Variants in GALNTL6 observed in about 807,000 individuals in gnomAD.
The protein encoded by GALNTL6 is polypeptide N-acetylgalactosaminyltransferase-like 6.
Under a neutral mutation model 73.7 loss-of-function variants are expected in GALNTL6, and 46 were observed. The observed-to-expected ratio is 0.62, with a 90% confidence interval of 0.49 to 0.80. The LOEUF (loss-of-function observed/expected upper bound fraction) is 0.80. GALNTL6 is among the 30% of genes least tolerant of loss of function. GALNTL6 has a pLI of 0.00. For missense variants in GALNTL6, 604 were observed against 755.0 expected (o/e 0.80, Z 2.34); for synonymous variants, 259 against 263.7 (o/e 0.98, Z 0.17).
At chr4:172,640,727 T>G (rs1368836342) in intron 5 of GALNTL6, among the ~76,000 whole-genome samples, 1 of 152,116 alleles carries the variant, frequency 6.6e-6, no homozygotes, top group Non-Finnish European at 1.5e-5. Flanking sequence ...CATTTTAAGC[T>G]AAACACCTTT....
chr4:172,895,078 T>C (rs937987226), intron 8 of GALNTL6, among the ~76,000 whole-genome samples: 5 of 151,886 alleles, frequency 3.3e-5, no homozygotes, highest in African/African-American at 1.2e-4. Context: ...AGTATATGGG[T>C]ATCTTTATAG....
chr4:172,209,184 A>G (rs2332503), intron 2 of GALNTL6, among the ~76,000 whole-genome samples: 59,395 of 151,862 alleles, frequency 0.39, 11,792 homozygotes, highest in Non-Finnish European at 0.41. Flanking sequence ...ATTTCATAGT[A>G]TTACATGTCT....
chr4:172,008,044 A>G (rs748530488), intron 2 of GALNTL6, among the ~76,000 whole-genome samples: 8 of 152,238 alleles, frequency 5.3e-5, no homozygotes, highest in Middle Eastern at 3.4e-3. Flanking sequence ...TTTATAAAAC[A>G]GAATAATTAT....
At chr4:172,387,055 A>C (rs1743498168) in intron 5 of GALNTL6, among the ~76,000 whole-genome samples, 1 of 152,156 alleles carries the variant, frequency 6.6e-6, no homozygotes, top group Non-Finnish European at 1.5e-5. Context: ...AGTCAAGGTG[A>C]CAGCCAAAAT....
chr4:172,649,676 C>T (rs182627138), intron 5 of GALNTL6, among the ~76,000 whole-genome samples: 93 of 152,148 alleles, frequency 6.1e-4, no homozygotes, highest in Middle Eastern at 3.4e-3. Flanking sequence ...ATGGTTTGTA[C>T]ATGTATATAT....
intron 5 of GALNTL6, among the ~76,000 whole-genome samples, chr4:172,412,114 C>G (rs1744464448): frequency 6.6e-6 from 1 of 152,090 alleles, no homozygotes. Flanking sequence ...ACGATCACAG[C>G]TCACTGCAGC....
At chr4:172,860,631 A>G (rs986298055) in intron 7 of GALNTL6, among the ~76,000 whole-genome samples, 6 of 152,234 alleles carry the variant, frequency 3.9e-5, no homozygotes, top group African/African-American at 1.4e-4. Context: ...ACTAATAAAG[A>G]TTGCATAGAA....
intron 2 of GALNTL6, among the ~76,000 whole-genome samples, chr4:172,029,993 T>G (rs183618650): frequency 6.0e-4 from 91 of 152,246 alleles, no homozygotes; most frequent in Non-Finnish European, 1.1e-3. Flanking sequence ...TATGTTTATG[T>G]GTGTATGTCG....
intron 8 of GALNTL6, among the ~76,000 whole-genome samples, chr4:172,886,089 A>C (rs187858587): frequency 6.6e-6 from 1 of 152,280 alleles, no homozygotes; most frequent in Non-Finnish European, 1.5e-5. Context: ...CCTCCTCTTC[A>C]ATTTTTTGAA....
chr4:172,057,027 G>A (rs1159914959), intron 2 of GALNTL6, among the ~76,000 whole-genome samples: 1 of 151,998 alleles, frequency 6.6e-6, no homozygotes, highest in East Asian at 1.9e-4. Flanking sequence ...GTGTTGGTTT[G>A]AACTGTTACT....
chr4:172,753,109 A>G (rs1229087731), intron 5 of GALNTL6, among the ~76,000 whole-genome samples: 2 of 152,182 alleles, frequency 1.3e-5, no homozygotes, highest in Non-Finnish European at 2.9e-5. Context: ...AGGGCCAGGT[A>G]GAGATAACTG....
chr4:172,651,706 G>C (rs1464505971), intron 5 of GALNTL6, among the ~76,000 whole-genome samples: 1 of 152,176 alleles, frequency 6.6e-6, no homozygotes, highest in African/African-American at 2.4e-5. Flanking sequence ...TGGAGAATCT[G>C]ATAGGACATA....
At chr4:172,749,360 G>T (rs1461001586) in intron 5 of GALNTL6, among the ~76,000 whole-genome samples, 1 of 151,846 alleles carries the variant, frequency 6.6e-6, no homozygotes, top group Non-Finnish European at 1.5e-5. Flanking sequence ...GTTGCATTAT[G>T]CCAGGTGATA....
intron 5 of GALNTL6, among the ~76,000 whole-genome samples, chr4:172,586,236 G>T (rs1350222651): frequency 1.3e-5 from 2 of 152,064 alleles, no homozygotes; most frequent in Admixed American, 1.3e-4. Flanking sequence ...ATAAATAAGT[G>T]CTAATTTTCT....
intron 5 of GALNTL6, among the ~76,000 whole-genome samples, chr4:172,582,353 A>G (rs921152537): frequency 6.6e-6 from 1 of 152,200 alleles, no homozygotes; most frequent in Non-Finnish European, 1.5e-5. Context: ...GTTAACAATA[A>G]TAGTATGGCT....
At chr4:172,309,283 T>G (rs547145642) in intron 3 of GALNTL6, among the ~76,000 whole-genome samples, 1 of 152,238 alleles carries the variant, frequency 6.6e-6, no homozygotes, top group South Asian at 2.1e-4. Flanking sequence ...GATACTTTTT[T>G]TTTGAGGAAT....
chr4:171,883,590 A>C (rs1346395027), intron 2 of GALNTL6, among the ~76,000 whole-genome samples: 1 of 151,508 alleles, frequency 6.6e-6, no homozygotes, highest in Non-Finnish European at 1.5e-5. Context: ...GAAACACAAG[A>C]CTGAAAATAG....
At chr4:172,576,045 G>T (rs1736944176) in intron 5 of GALNTL6, among the ~76,000 whole-genome samples, 1 of 152,066 alleles carries the variant, frequency 6.6e-6, no homozygotes, top group African/African-American at 2.4e-5. Flanking sequence ...CAGGGAAGGG[G>T]TTTTCTTTTC....
chr4:171,914,671 C>A (rs756177726), intron 2 of GALNTL6, among the ~76,000 whole-genome samples: 3 of 151,292 alleles, frequency 2.0e-5, no homozygotes, highest in African/African-American at 4.9e-5. Context: ...CCGTCTTGTC[C>A]TCCCAAATTG....
Sources: gnomAD v4.1 joint callset for allele counts (sites outside exome capture counted in the v4.1 genomes callset) on GRCh38, gnomAD v4.1.1 for gene constraint, MANE v1.5 for transcripts, NCBI Gene and HGNC (gene_info 2026-07-23, HGNC 2026-07-21) for gene names.